Variants in CFAP54 observed in about 807,000 individuals in gnomAD.
CFAP54 encodes cilia and flagella associated protein 54.
Under a neutral mutation model 370.4 loss-of-function variants are expected in CFAP54, and 290 were observed. That is an observed-to-expected ratio of 0.78 (90% CI 0.71 to 0.86). CFAP54 has a LOEUF of 0.86. Among genes scored for constraint, CFAP54 ranks in the 40% least tolerant of loss-of-function variants. The probability of loss-of-function intolerance (pLI) is 0.00; values close to 1 mark genes in which losing one functional copy is unlikely to be tolerated. For missense variants in CFAP54, 3,399 were observed against 3,528.7 expected (o/e 0.96, Z 0.93); for synonymous variants, 1,206 against 1,236.5 (o/e 0.98, Z 0.52).
intron 19 of CFAP54, among the ~76,000 whole-genome samples, chr12:96,570,410 A>G (rs1955904936): frequency 6.6e-6 from 1 of 151,864 alleles, no homozygotes; most frequent in Non-Finnish European, 1.5e-5. Flanking sequence ...AACTGCTAAC[A>G]GAATATTTAG....
At chr12:96,711,501 G>T (rs1309791754) in intron 48 of CFAP54, among the ~76,000 whole-genome samples, 1 of 152,174 alleles carries the variant, frequency 6.6e-6, no homozygotes, top group Non-Finnish European at 1.5e-5. Flanking sequence ...CCACAAGGTG[G>T]TGAGGCTGGG....
At chr12:96,614,029 C>T (rs1266956782) in intron 26 of CFAP54, among the ~76,000 whole-genome samples, 2 of 152,134 alleles carry the variant, frequency 1.3e-5, no homozygotes, top group Admixed American at 1.3e-4. Flanking sequence ...CAGTGTCATC[C>T]TGATACCAAA....
At chr12:96,872,911 C>T (rs1054100168) in intron 67 of CFAP54, among the ~76,000 whole-genome samples, 12 of 152,056 alleles carry the variant, frequency 7.9e-5, no homozygotes, top group African/African-American at 2.9e-4. Context: ...GGCTGCCTAT[C>T]CTACAAAGAG....
At chr12:96,838,365 C>G (rs988645317) in intron 66 of CFAP54, among the ~76,000 whole-genome samples, 1 of 151,958 alleles carries the variant, frequency 6.6e-6, no homozygotes. Context: ...GCTGGACTCA[C>G]TGGAGGAATC....
intron 26 of CFAP54, among the ~76,000 whole-genome samples, chr12:96,619,645 CTTTATCA>C (rs1186634396): frequency 6.6e-6 from 1 of 152,008 alleles, no homozygotes. Context: ...GGAAAAAATT[CTTTATCA>C]TTTATTATTT....
intron 63 of CFAP54, among the ~76,000 whole-genome samples, chr12:96,794,670 T>G (rs1958740005): frequency 6.6e-6 from 1 of 152,208 alleles, no homozygotes; most frequent in Non-Finnish European, 1.5e-5. Flanking sequence ...TTTCTTTAAA[T>G]TGGTATTACC....
At chr12:96,812,949 A>C (rs1221182957) in intron 64 of CFAP54, among the ~76,000 whole-genome samples, 1 of 150,442 alleles carries the variant, frequency 6.6e-6, no homozygotes, top group African/African-American at 2.5e-5. Context: ...CAGTCAATTT[A>C]TTTTCTTCCT....
intron 15 of CFAP54, among the ~76,000 whole-genome samples, chr12:96,550,979 A>T (rs567546136): frequency 1.2e-3 from 179 of 152,262 alleles, no homozygotes; most frequent in African/African-American, 3.9e-3. Flanking sequence ...ACTAGAAAAA[A>T]ACTCTGGCCT....
intron 30 of CFAP54, among the ~76,000 whole-genome samples, chr12:96,627,731 C>T (rs1399644401): frequency 2.6e-5 from 4 of 151,824 alleles, no homozygotes; most frequent in East Asian, 1.9e-4. Context: ...TGAAACAGGC[C>T]GTGATAATAA....
intron 66 of CFAP54, among the ~76,000 whole-genome samples, chr12:96,835,365 TG>T (rs770025271): frequency 2.0e-5 from 3 of 152,038 alleles, no homozygotes; most frequent in Non-Finnish European, 4.4e-5. Flanking sequence ...AAGGAATGCA[TG>T]CCAGTTGGTC....
At chr12:96,807,504 A>C (rs189673156) in intron 63 of CFAP54, among the ~76,000 whole-genome samples, 1 of 152,204 alleles carries the variant, frequency 6.6e-6, no homozygotes, top group African/African-American at 2.4e-5. Flanking sequence ...TTTAAATTCA[A>C]TAGTCCTCAG....
rs540672182 is a variant in CFAP54 at position 96,527,626 on chromosome 12, G to C, written c.1357+182G>C. The stretch of plus-strand genomic sequence containing the variant: ...TTGTCACCCAGACTGGAGTGCAGTG[G>C]CGTGATCATGGCTCACATTGCAGCA... On this transcript the variant is annotated intron_variant, in intron 9 of 67. Coordinates refer to ENST00000524981, the MANE Select transcript of CFAP54 (RefSeq NM_001306084.2). Among the ~76,000 whole-genome samples the C allele has an allele frequency of 1.1e-4, 16 of 151,792 alleles. No individual in the cohort carries two copies. The South Asian group carries it at 3.3e-3, about 32-fold the overall frequency.
chr12:96,813,788 C>T (rs1048965500), intron 64 of CFAP54, among the ~76,000 whole-genome samples: 1 of 152,140 alleles, frequency 6.6e-6, no homozygotes, highest in East Asian at 1.9e-4. Flanking sequence ...ATTAGAGCAG[C>T]GGCTGTGGGG....
At chr12:96,545,137 T>C (rs1213309096) in intron 14 of CFAP54, among the ~76,000 whole-genome samples, 1 of 152,200 alleles carries the variant, frequency 6.6e-6, no homozygotes, top group Admixed American at 6.5e-5. Context: ...GGTCTTGAAC[T>C]CCTGACCTCA....
chr12:96,737,724 G>C lies in CFAP54; in HGVS notation c.6966-2232G>C, dbSNP rs182313232. Among the ~76,000 whole-genome samples the C allele has an allele frequency of 2.1e-4, 32 of 152,114 alleles. No homozygotes were observed. The East Asian group carries it at 6.0e-3, about 28-fold the overall frequency. On this transcript the variant is annotated intron_variant, in intron 50 of 67. Transcript: ENST00000524981. The stretch of plus-strand genomic sequence containing the variant: ...AGGCTGATCTCGAACTCCTGACCTC[G>C]TGATATGCCCGCCTCGGCCTCCCAA...
intron 46 of CFAP54, among the ~76,000 whole-genome samples, chr12:96,703,362 C>G (rs1957512649): frequency 6.6e-6 from 1 of 152,108 alleles, no homozygotes. Context: ...CTCTGCACTT[C>G]TAGCCTCTCC....
At chr12:96,773,958 T>G (rs561405814) in intron 60 of CFAP54, among the ~76,000 whole-genome samples, 3 of 152,340 alleles carry the variant, frequency 2.0e-5, no homozygotes, top group South Asian at 4.1e-4. Flanking sequence ...TATGCCACTT[T>G]GTACTCCTGT....
At chr12:96,612,936 C>T (rs1173797659) in intron 26 of CFAP54, among the ~76,000 whole-genome samples, 1 of 152,080 alleles carries the variant, frequency 6.6e-6, no homozygotes, top group Non-Finnish European at 1.5e-5. Flanking sequence ...ACCTTAACAC[C>T]ACACTGTCAA....
chr12:96,600,430 G>C (rs1265061032), intron 26 of CFAP54, among the ~76,000 whole-genome samples: 1 of 152,128 alleles, frequency 6.6e-6, no homozygotes, highest in Non-Finnish European at 1.5e-5. Flanking sequence ...GATGCCTCCA[G>C]CTTTGTTCTT....
Sources: allele counts gnomAD v4.1 joint callset (sites outside exome capture counted in the v4.1 genomes callset), GRCh38; gene constraint gnomAD v4.1.1; transcripts MANE v1.5; gene names NCBI Gene and HGNC (gene_info 2026-07-23, HGNC 2026-07-21).